The following PCSK4 variants were observed in gnomAD, a reference collection of about 807,000 sequenced individuals.
PCSK4 encodes proprotein convertase subtilisin/kexin type 4.
In PCSK4, 64 loss-of-function variants were observed where a neutral mutation model predicts 80.3. That is an observed-to-expected ratio of 0.80 (90% CI 0.65 to 0.98). The LOEUF (loss-of-function observed/expected upper bound fraction) is 0.98. PCSK4 is among the 50% of genes least tolerant of loss of function. The probability of loss-of-function intolerance (pLI) is 0.00; values close to 1 mark genes in which losing one functional copy is unlikely to be tolerated. For synonymous variants in PCSK4, 561 were observed against 487.6 expected (o/e 1.15, Z -1.98); for missense variants, 1,213 against 1,093.6 (o/e 1.11, Z -1.54).
At chr19:1,489,657 T>A in intron 2 of PCSK4, 136 bp downstream of exon 2, 1 of 1,439,276 alleles carries the variant, frequency 6.9e-7, no homozygotes, top group South Asian at 1.4e-5. Context: ...CTGTATAGAC[T>A]TGGGGCCCGG....
At position 1,482,126 on chromosome 19, in the gene PCSK4, ACCAG is replaced by A. The variant is rs778611659; in HGVS notation, c.1897_1900del (p.Leu633Ter). Reference sequence around the variant, plus strand: ...CGCCGTGTGCCCAGGCCCAGCGGTCACCAGCCTTGTGTGGTTGAAGAACCGCGGG... The same window carrying A: ...CGCCGTGTGCCCAGGCCCAGCGGTCACCTTGTGTGGTTGAAGAACCGCGGG... On this transcript the variant is annotated frameshift_variant, in exon 15 of 15. Transcript: ENST00000300954. LOFTEE classifies it low-confidence loss of function (END_TRUNC). 58 of 1,555,594 alleles carry A rather than the reference ACCAG, an allele frequency of 3.7e-5. No homozygotes were observed. Among genetic ancestry groups the A allele is most frequent in the Non-Finnish European group, 2.6e-6 (3 of 1,157,386 alleles).
chr19:1,483,383 T>C, exon 12 of PCSK4: 1 of 1,606,750 alleles, frequency 6.2e-7, no homozygotes. Context: ...CGCCTGCACG[T>C]GCTCCAGCGA....
chr19:1,489,869 A>C, exon 2 of PCSK4: 1 of 1,610,050 alleles, frequency 6.2e-7, no homozygotes, highest in Non-Finnish European at 8.5e-7. Flanking sequence ...CCGGTGCCGC[A>C]GGTGAAAGTA....
rs1011428776 is a variant in PCSK4, at chr19:1,482,631, T to C, written c.1697-156A>G. 15 of 966,140 alleles carry C rather than the reference T, an allele frequency of 1.6e-5. No homozygotes were observed. The African/African-American group carries it at 2.3e-4, about 15-fold the overall frequency. The allele number at this position is 966,140 out of a possible 1,614,324, so 59.8% of individuals were successfully genotyped here. On this transcript the variant is annotated intron_variant, in intron 13 of 14. Coordinates refer to ENST00000300954, the Ensembl canonical transcript of PCSK4. ...TGCACACCTACTGTGCGCCTGTCAC[T>C]GGACACCGACATCTCCCGGGTGACT...
chr19:1,489,130 C>CT (rs996269474), intron 2 of PCSK4, among the ~76,000 whole-genome samples: 34,031 of 128,796 alleles, frequency 0.26, 5,289 homozygotes, highest in East Asian at 0.38. Context: ...AAGCCTCCTA[C>CT]TTTTTTTTTT....
At chr19:1,490,556 A>G (rs1164247561), upstream of PCSK4, 2 of 482,816 alleles carry the variant, frequency 4.1e-6, no homozygotes, top group African/African-American at 4.1e-5. Flanking sequence ...GCAGACCCAC[A>G]CCCTCGGGAG....
exon 15 of PCSK4, chr19:1,481,949 G>A (rs765346844): frequency 6.3e-7 from 1 of 1,597,218 alleles, no homozygotes; most frequent in Admixed American, 1.7e-5. Flanking sequence ...TCTAAGCCGG[G>A]GGCGGCTGTC....
chr19:1,486,333 G>A (rs1380392756), intron 8 of PCSK4, among the ~76,000 whole-genome samples: 1 of 150,614 alleles, frequency 6.6e-6, no homozygotes, highest in African/African-American at 2.4e-5. Flanking sequence ...GTCTCACTCT[G>A]TCGCCCAGGC....
intron 8 of PCSK4, among the ~76,000 whole-genome samples, chr19:1,485,969 T>C (rs2084584443): frequency 6.6e-6 from 1 of 151,850 alleles, no homozygotes; most frequent in African/African-American, 2.4e-5. Context: ...TGTTTTTGTT[T>C]TGTTTTGTTT....
chr19:1,488,911 C>T (rs2084787584), intron 2 of PCSK4, among the ~76,000 whole-genome samples: 1 of 152,170 alleles, frequency 6.6e-6, no homozygotes, highest in African/African-American at 2.4e-5. Context: ...ACATCAGGAA[C>T]TGGCCACTGC....
chr19:1,483,527 G>C, intron 11 of PCSK4, 64 bp from the exon 12 acceptor site: 3 of 1,426,350 alleles, frequency 2.1e-6, no homozygotes. Context: ...GCGGCCAGCA[G>C]GCGAGGTCGG....
chr19:1,484,615 C>T (rs761061694), intron 8 of PCSK4, among the ~76,000 whole-genome samples: 5 of 151,630 alleles, frequency 3.3e-5, no homozygotes, highest in South Asian at 4.2e-4. Context: ...GTCAGGAGTT[C>T]GAGACCAGCC....
Position 1,486,838 on chromosome 19 carries a change from G to C in PCSK4, c.1068+15C>G, listed in dbSNP as rs780861634. On this transcript the variant is annotated intron_variant, in intron 8 of 14. Transcript: ENST00000300954. ...GGGCCTGGGGAGGGGACCCTGTTGG[G>C]GCGGCTGCACTCACGATCTGGGGGT... is the stretch of plus-strand genomic sequence containing the variant. 6.3e-7 allele frequency: 1 copy of C among 1,585,022 alleles called. No individual in the cohort carries two copies. Among genetic ancestry groups the C allele is most frequent in the Admixed American group, 1.7e-5 (1 of 57,738 alleles).
Position 1,487,874 on chromosome 19 carries a change from G to T in PCSK4, c.517-13C>A. 6.5e-7 allele frequency: 1 copy of T among 1,546,016 alleles called. No individual in the cohort carries two copies. Among genetic ancestry groups the T allele is most frequent in the South Asian group, 1.2e-5 (1 of 83,184 alleles). On this transcript the variant is annotated splice_polypyrimidine_tract_variant and intron_variant, in intron 4 of 14. Coordinates refer to ENST00000300954, the Ensembl canonical transcript of PCSK4. ...TGGCCAGGGGGTCCTGGGGGCAGGT[G>T]GGGATATGAGGGGGCCGGGAGGCGT...
intron 13 of PCSK4, 119 bp downstream of exon 13, chr19:1,482,777 T>C: frequency 9.0e-7 from 1 of 1,107,582 alleles, no homozygotes; most frequent in South Asian, 1.4e-5. Context: ...GTGCATGTTC[T>C]CTTGGAGAAG....
chr19:1,481,839 C>G (rs1240261265), exon 15 of PCSK4: 1 of 1,568,306 alleles, frequency 6.4e-7, no homozygotes, highest in Non-Finnish European at 8.7e-7. Flanking sequence ...AGTGGGAGGT[C>G]CATGGACATG....
Position 1,483,520 on chromosome 19 carries a change from GC to G in PCSK4, c.1392-58del. On this transcript the variant is annotated intron_variant, in intron 11 of 14. Transcript: ENST00000300954. ...CGGCCTGCTGGGGGGTGGGTGGGCG[GC>G]CAGCAGGCGAGGTCGGGGCTCAGAG... 2.2e-6 allele frequency: 3 copies of G among 1,364,930 alleles called. No homozygotes were observed. In the South Asian group the frequency reaches 3.8e-5, roughly 17 times the overall value. The allele number at this position is 1,364,930 out of a possible 1,614,324, so 84.6% of individuals were successfully genotyped here.
exon 4 of PCSK4, chr19:1,487,991 C>T (rs1416137824): frequency 6.2e-7 from 1 of 1,613,198 alleles, no homozygotes; most frequent in Non-Finnish European, 8.5e-7. Flanking sequence ...CCGGGTGGTC[C>T]TTCTCGATGC....
intron 8 of PCSK4, among the ~76,000 whole-genome samples, chr19:1,484,450 G>A (rs369387782): frequency 1.3e-4 from 20 of 151,512 alleles, no homozygotes; most frequent in South Asian, 2.1e-4. Flanking sequence ...TCACACCCAC[G>A]CCACTGCACT....
Sources: gnomAD v4.1 joint callset for allele counts (sites outside exome capture counted in the v4.1 genomes callset) on GRCh38, gnomAD v4.1.1 for gene constraint, MANE v1.5 for transcripts, NCBI Gene and HGNC (gene_info 2026-07-23, HGNC 2026-07-21) for gene names.